EIF4G3: variants seen among roughly 807,000 people sequenced by gnomAD.
The protein encoded by EIF4G3 is eIF-4-gamma 3.
A neutral mutation model predicts 186.4 loss-of-function variants in EIF4G3; 34 were observed. The ratio of observed to expected loss-of-function variants is 0.18; its 90% confidence interval spans 0.14 to 0.24. EIF4G3 has a LOEUF of 0.24. EIF4G3 is among the 10% of genes least tolerant of loss of function. The pLI, the probability that EIF4G3 is intolerant of heterozygous loss-of-function variation, is 1.00. For missense variants in EIF4G3, 1,536 were observed against 1,948.5 expected (o/e 0.79, Z 3.99); for synonymous variants, 673 against 679.5 (o/e 0.99, Z 0.15).
intron 14 of EIF4G3, among the ~76,000 whole-genome samples, chr1:20,913,921 T>C (rs1342872916): frequency 2.6e-5 from 4 of 151,322 alleles, no homozygotes; most frequent in Admixed American, 6.6e-5. Flanking sequence ...ATTCTCCTGC[T>C]TCAGCCTCCT....
At chr1:20,861,761 G>C (rs1013778022) in intron 23 of EIF4G3, among the ~76,000 whole-genome samples, 3 of 152,168 alleles carry the variant, frequency 2.0e-5, no homozygotes, top group Non-Finnish European at 4.4e-5. Flanking sequence ...ATCATTTGAG[G>C]TCAGGAGTTC....
chr1:20,939,447 G>T (rs2095632645), intron 14 of EIF4G3, among the ~76,000 whole-genome samples: 2 of 152,120 alleles, frequency 1.3e-5, no homozygotes, highest in Non-Finnish European at 2.9e-5. Flanking sequence ...ATGTACCATG[G>T]TATGAACATT....
chr1:20,919,771 G>A (rs1157373441), intron 14 of EIF4G3, among the ~76,000 whole-genome samples: 5 of 152,094 alleles, frequency 3.3e-5, no homozygotes, highest in South Asian at 2.1e-4. Context: ...TGAGAATCAC[G>A]AAGCAATACT....
intron 3 of EIF4G3, among the ~76,000 whole-genome samples, chr1:21,062,659 G>T (rs534070725): frequency 2.7e-4 from 41 of 152,118 alleles, no homozygotes; most frequent in African/African-American, 9.9e-4. Context: ...GTGCAATCTT[G>T]GCTCACTGCA....
intron 17 of EIF4G3, among the ~76,000 whole-genome samples, chr1:20,894,840 C>A (rs1178651054): frequency 6.6e-6 from 1 of 152,170 alleles, no homozygotes; most frequent in East Asian, 1.9e-4. Context: ...CCATAAAGAT[C>A]AGATGCAAAG....
intron 12 of EIF4G3, among the ~76,000 whole-genome samples, chr1:20,967,400 T>C (rs1197975742): frequency 1.3e-5 from 2 of 152,184 alleles, no homozygotes; most frequent in Non-Finnish European, 2.9e-5. Context: ...ACAGAGCACA[T>C]ATATAGATTA....
chr1:21,006,232 T>A (rs1382253006), intron 4 of EIF4G3, among the ~76,000 whole-genome samples: 1 of 152,224 alleles, frequency 6.6e-6, no homozygotes, highest in Non-Finnish European at 1.5e-5. Flanking sequence ...TATTCTAGAA[T>A]AATTTCCTTA....
chr1:20,872,791 T>C (rs1159115378), intron 20 of EIF4G3, among the ~76,000 whole-genome samples: 1 of 141,860 alleles, frequency 7.0e-6, no homozygotes, highest in African/African-American at 2.6e-5. Flanking sequence ...TGATCTCAGC[T>C]CACTGCAACC....
chr1:20,933,361 A>T (rs2095402867), intron 14 of EIF4G3, among the ~76,000 whole-genome samples: 1 of 152,152 alleles, frequency 6.6e-6, no homozygotes, highest in Non-Finnish European at 1.5e-5. Flanking sequence ...TACATTAGAT[A>T]AAACCAGGGC....
At chr1:20,986,239 T>C (rs1025206819) in intron 7 of EIF4G3, among the ~76,000 whole-genome samples, 3 of 152,196 alleles carry the variant, frequency 2.0e-5, no homozygotes, top group Non-Finnish European at 4.4e-5. Flanking sequence ...AAAGGCAATA[T>C]ACCTCTCTTA....
rs189373432 is a variant in EIF4G3, at chr1:21,171,078, G to A, written c.-272+5097C>T. ...CTCAAATTTCAGCTGAGCTACAGGAGATTGAAAAATTCCTTTGGTTGGCAG... is the reference window on the plus strand; with the variant it reads ...CTCAAATTTCAGCTGAGCTACAGGAAATTGAAAAATTCCTTTGGTTGGCAG... On this transcript the variant is annotated intron_variant, in intron 2 of 36. Coordinates refer to ENST00000602326, the MANE Select transcript of EIF4G3 (RefSeq NM_001391906.1). 1.8e-4 allele frequency among the ~76,000 whole-genome samples: 27 copies of A among 152,268 alleles called. No homozygotes were observed. In the East Asian group the frequency reaches 1.9e-3, roughly 11 times the overall value.
At position 20,941,786 on chromosome 1, in the gene EIF4G3, C is replaced by T. The variant is rs562568407; in HGVS notation, c.1368G>A (p.Glu456=). 6.2e-7 allele frequency: 1 copy of T among 1,612,996 alleles called. No homozygotes were observed. The highest frequency in any genetic ancestry group is 1.3e-5 in the African/African-American group (1 of 74,978). ...AAGGGGTGATGGGAGCTGGGATACA[C>T]TCCAGTTTCATTTCTTCTGGGGGAT... ...LENPPEEMKL[E]CIPAPITPST... is the part of the protein sequence containing the mutation. The change falls in exon 14 of 37, where the codon GAG becomes GAA. Residue 456 remains glutamate, a synonymous_variant. Coordinates refer to ENST00000602326, the MANE Select transcript of EIF4G3 (RefSeq NM_001391906.1).
At chr1:21,080,232 C>T (rs761997154) in intron 3 of EIF4G3, among the ~76,000 whole-genome samples, 8 of 131,088 alleles carry the variant, frequency 6.1e-5, no homozygotes, top group Non-Finnish European at 1.2e-4. Context: ...GGAGGGATAG[C>T]CTGAGCCCAG....
intron 33 of EIF4G3, among the ~76,000 whole-genome samples, chr1:20,821,445 T>C (rs1464299213): frequency 6.6e-6 from 1 of 152,216 alleles, no homozygotes; most frequent in African/African-American, 2.4e-5. Context: ...TGATAATGCA[T>C]GTATTTAACG....
At chr1:20,902,502 A>T (rs1558153219) in intron 15 of EIF4G3, among the ~76,000 whole-genome samples, 3 of 152,234 alleles carry the variant, frequency 2.0e-5, no homozygotes. Flanking sequence ...GTGGAAATGA[A>T]GACAATGGCA....
In EIF4G3 at chr1:20,930,105, T is replaced by G. The variant is rs149073943; in HGVS notation, c.1663+11386A>C. On this transcript the variant is annotated intron_variant, in intron 14 of 36. Transcript: ENST00000602326. ...CATATTATCTGAATTAAATAATACT[T>G]TATTGCTAAAAAATACTAATGATCA... Among the ~76,000 whole-genome samples, 419 of 152,342 alleles carry G rather than the reference T, an allele frequency of 2.8e-3. 7 individuals are homozygous for G. Among genetic ancestry groups the G allele is most frequent in the Admixed American group, 0.019 (295 of 15,304 alleles).
rs546770075 is a variant in EIF4G3 at position 20,862,168 on chromosome 1, A to G, written c.3111+60T>C. On this transcript the variant is annotated intron_variant, in intron 23 of 36. Transcript: ENST00000602326. The stretch of plus-strand genomic sequence containing the variant: ...GTAAACAACAGGACATCCTTCCCCA[A>G]CCCAATTCCTTTAAAGAGACTGGAC... 16 of 1,034,982 alleles carry G rather than the reference A, an allele frequency of 1.5e-5. No individual in the cohort carries two copies. In the South Asian group the frequency reaches 2.2e-4, roughly 14 times the overall value. The allele number at this position is 1,034,982 out of a possible 1,614,324, so 64.1% of individuals were successfully genotyped here. A position where few individuals can be genotyped will look rare whatever the true frequency, so the allele number is the denominator to read the frequency against.
chr1:20,943,573 T>C (rs1478501093), intron 13 of EIF4G3, among the ~76,000 whole-genome samples: 3 of 152,200 alleles, frequency 2.0e-5, no homozygotes, highest in African/African-American at 7.2e-5. Flanking sequence ...GAAAAACATA[T>C]ACTCATGAGT....
chr1:20,954,484 C>T (rs1014033880), intron 12 of EIF4G3, among the ~76,000 whole-genome samples: 2 of 136,232 alleles, frequency 1.5e-5, no homozygotes, highest in Non-Finnish European at 3.1e-5. Flanking sequence ...TGCAGTGAGC[C>T]GAGATCGCGC....
Sources: gnomAD v4.1 joint callset for allele counts (sites outside exome capture counted in the v4.1 genomes callset) on GRCh38, gnomAD v4.1.1 for gene constraint, MANE v1.5 for transcripts, NCBI Gene and HGNC (gene_info 2026-07-23, HGNC 2026-07-21) for gene names.